Variants in SYNDIG1 observed in about 807,000 individuals in gnomAD.
SYNDIG1 encodes the protein synapse differentiation inducing 1.
A neutral mutation model predicts 19.4 loss-of-function variants in SYNDIG1; 9 were observed. That is an observed-to-expected ratio of 0.46 (90% CI 0.28 to 0.81). The LOEUF is 0.81. Ranked by LOEUF, SYNDIG1 falls within the 30% of genes least tolerant of loss-of-function variation. The pLI is 0.12. For synonymous variants in SYNDIG1, 141 were observed against 145.9 expected, an observed-to-expected ratio of 0.97 and a Z score of 0.24; for missense variants, 311 against 343.3, an observed-to-expected ratio of 0.91 and a Z score of 0.74.
chr20:24,630,863 A>C (rs1414618544), intron 3 of SYNDIG1, among the ~76,000 whole-genome samples: 1 of 152,232 alleles, frequency 6.6e-6, no homozygotes, highest in Non-Finnish European at 1.5e-5. Context: ...TGGTGGTGAG[A>C]CTAATACCGA....
rs143883188 is a variant in SYNDIG1 at position 24,595,997 on chromosome 20, G to A, written c.618+11004G>A. On this transcript the variant is annotated intron_variant, in intron 3 of 3. Transcript: ENST00000376862. ...TCTGGTTACTTCTTGTCTTCTGCTA[G>A]CTTTGGGGTTGGTTTGCTCTTGTTT... 5.6e-3 allele frequency among the ~76,000 whole-genome samples: 852 copies of A among 152,242 alleles called. 3 individuals carry two copies. Among genetic ancestry groups the A allele is most frequent in the Non-Finnish European group, 8.7e-3 (594 of 68,006 alleles).
At chr20:24,617,822 G>A (rs1195631658) in intron 3 of SYNDIG1, among the ~76,000 whole-genome samples, 1 of 143,432 alleles carries the variant, frequency 7.0e-6, no homozygotes, top group East Asian at 2.1e-4. Flanking sequence ...TCTGAGAGTG[G>A]GGAGAGACCG....
At chr20:24,493,402 GCA>G (rs547318081) in intron 1 of SYNDIG1, among the ~76,000 whole-genome samples, 143 of 152,150 alleles carry the variant, frequency 9.4e-4, no homozygotes, top group African/African-American at 3.2e-3. Context: ...ACATGCACGG[GCA>G]CACACATGCT....
chr20:24,575,422 A>G (rs1325451640), intron 2 of SYNDIG1, among the ~76,000 whole-genome samples: 1 of 152,164 alleles, frequency 6.6e-6, no homozygotes, highest in African/African-American at 2.4e-5. Flanking sequence ...TTCTTCAGAT[A>G]TTTGCAAGCA....
At chr20:24,514,491 C>T (rs2056819600) in intron 1 of SYNDIG1, among the ~76,000 whole-genome samples, 1 of 152,158 alleles carries the variant, frequency 6.6e-6, no homozygotes, top group Non-Finnish European at 1.5e-5. Context: ...TCTGATAAAA[C>T]AGACTTTAAA....
At chr20:24,544,638 A>G (rs113447404) in intron 2 of SYNDIG1, among the ~76,000 whole-genome samples, 2 of 152,052 alleles carry the variant, frequency 1.3e-5, no homozygotes, top group Non-Finnish European at 2.9e-5. Flanking sequence ...AGAAGTCCAC[A>G]TGCTGGCCTG....
chr20:24,578,587 C>A (rs961717019), intron 2 of SYNDIG1, among the ~76,000 whole-genome samples: 2 of 152,280 alleles, frequency 1.3e-5, no homozygotes, highest in Admixed American at 1.3e-4. Flanking sequence ...AGCTTTGCAG[C>A]TATGTAGGGA....
At chr20:24,522,807 T>A (rs2057032813) in intron 1 of SYNDIG1, among the ~76,000 whole-genome samples, 1 of 152,260 alleles carries the variant, frequency 6.6e-6, no homozygotes, top group East Asian at 1.9e-4. Flanking sequence ...CTTTTAATCA[T>A]GGCAGAAGGG....
rs1206698719 is a variant in SYNDIG1, at chr20:24,469,655, G to A, written c.-177G>A. ...GAGGAGGAGAGAGCCTGGCAGCGGA[G>A]GAGCAGAGGCGGGCGCCGCACCGCC... On this transcript the variant is annotated 5_prime_UTR_variant, in exon 1 of 4. Coordinates refer to ENST00000376862, the MANE Select transcript of SYNDIG1 (RefSeq NM_024893.3). 6.6e-6 allele frequency: 1 copy of A among 151,926 alleles called. No individual in the cohort carries two copies. The highest frequency in any genetic ancestry group is 1.5e-5 in the Non-Finnish European group (1 of 68,182). 9.4% of individuals were successfully genotyped at this position (151,926 alleles called of 1,614,324 possible). A position where few individuals can be genotyped will look rare whatever the true frequency, so the allele number is the denominator to read the frequency against.
intron 3 of SYNDIG1, among the ~76,000 whole-genome samples, chr20:24,638,483 G>A (rs563144954): frequency 6.6e-5 from 10 of 152,078 alleles, no homozygotes; most frequent in Admixed American, 2.6e-4. Flanking sequence ...GCCCCTTCCC[G>A]AGACGCTGGG....
At chr20:24,645,054 C>T (rs909694178) in intron 3 of SYNDIG1, among the ~76,000 whole-genome samples, 1 of 152,180 alleles carries the variant, frequency 6.6e-6, no homozygotes, top group Non-Finnish European at 1.5e-5. Flanking sequence ...TGGAAAAATG[C>T]TCTTACATTA....
intron 3 of SYNDIG1, among the ~76,000 whole-genome samples, chr20:24,608,841 C>G (rs1486111700): frequency 6.6e-6 from 1 of 152,138 alleles, no homozygotes; most frequent in African/African-American, 2.4e-5. Context: ...TTGACCAACC[C>G]TTGCATTCTA....
At chr20:24,613,239 C>G (rs1437037071) in intron 3 of SYNDIG1, among the ~76,000 whole-genome samples, 1 of 152,164 alleles carries the variant, frequency 6.6e-6, no homozygotes, top group Non-Finnish European at 1.5e-5. Context: ...ACTCCCTGTC[C>G]CAGGGCCTCT....
chr20:24,540,827 A>G (rs1164451323), intron 1 of SYNDIG1, among the ~76,000 whole-genome samples: 1 of 152,120 alleles, frequency 6.6e-6, no homozygotes, highest in Non-Finnish European at 1.5e-5. Flanking sequence ...GTTTTACATC[A>G]GTGTTCATAA....
intron 2 of SYNDIG1, among the ~76,000 whole-genome samples, chr20:24,574,202 G>A (rs538332060): frequency 6.6e-6 from 1 of 152,190 alleles, no homozygotes; most frequent in East Asian, 1.9e-4. Flanking sequence ...GTTAGGCGGG[G>A]CACGGTGGCT....
chr20:24,638,929 C>T (rs565856474), intron 3 of SYNDIG1, among the ~76,000 whole-genome samples: 13 of 152,234 alleles, frequency 8.5e-5, no homozygotes, highest in African/African-American at 2.9e-4. Flanking sequence ...AGGCCAGGCA[C>T]GCAGGACTTG....
At chr20:24,524,798 G>T (rs2057086326) in intron 1 of SYNDIG1, among the ~76,000 whole-genome samples, 1 of 152,178 alleles carries the variant, frequency 6.6e-6, no homozygotes, top group South Asian at 2.1e-4. Context: ...CCTAGAAGCA[G>T]GCTCCCTGGC....
At chr20:24,517,309 A>AT (rs1568603544) in intron 1 of SYNDIG1, among the ~76,000 whole-genome samples, 2 of 149,084 alleles carry the variant, frequency 1.3e-5, no homozygotes, top group African/African-American at 2.5e-5. Context: ...ATAAAAAAAA[A>AT]AATAAATAAA....
intron 3 of SYNDIG1, 23 bp from the exon 4 acceptor site, chr20:24,665,323 C>G (rs1568725790): frequency 1.9e-6 from 3 of 1,582,146 alleles, no homozygotes; most frequent in Admixed American, 1.9e-5. Context: ...CAATGACTTC[C>G]TTTTTCTTCT....
Sources: gnomAD v4.1 joint callset for allele counts (sites outside exome capture counted in the v4.1 genomes callset) on GRCh38, gnomAD v4.1.1 for gene constraint, MANE v1.5 for transcripts, NCBI Gene and HGNC (gene_info 2026-07-23, HGNC 2026-07-21) for gene names.